RANBP2: variants seen among roughly 807,000 people sequenced by gnomAD.
The protein encoded by RANBP2 is E3 SUMO-protein ligase RanBP2.
RANBP2 carries 57 observed loss-of-function variants against 303.6 expected under a neutral mutation model. That is an observed-to-expected ratio of 0.19 (90% CI 0.15 to 0.23). The LOEUF is 0.23. Ranked by LOEUF, RANBP2 falls within the 10% of genes least tolerant of loss-of-function variation. The pLI is 1.00. For missense variants in RANBP2, 3,138 were observed against 3,780.8 expected, an observed-to-expected ratio of 0.83 and a Z score of 4.46; for synonymous variants, 1,167 against 1,301.5, an observed-to-expected ratio of 0.90 and a Z score of 2.23.
At chr2:109,413,943 C>T in the RANBP2 span, among the ~76,000 whole-genome samples, 1 of 152,248 alleles carries the variant, frequency 6.6e-6, no homozygotes, top group Non-Finnish European at 1.5e-5. Context: ...CCCCAGGAAG[C>T]GCCTGTGCAT....
At chr2:109,381,797 T>C in the RANBP2 span, among the ~76,000 whole-genome samples, 1 of 152,154 alleles carries the variant, frequency 6.6e-6, no homozygotes, top group East Asian at 1.9e-4. Context: ...TTGGATTTTA[T>C]GGCTCGCAGG....
chr2:108,753,021 T>C lies in RANBP2; in HGVS notation c.1779T>C (p.Tyr593=). ...QKTGSGLNSF[Y]DQREYIGRSV... is the part of the protein sequence containing the mutation. ...AGGGCAGCGGTCTTAATTCTTTTTA[T>C]GATCAACGAGAATACATAGGGAGAA... The change falls in exon 13 of 29, where the codon TAT becomes TAC. Residue 593 remains tyrosine (Y), a synonymous_variant. Transcript: ENST00000283195. 6.2e-7 allele frequency: 1 copy of C among 1,609,262 alleles called. No homozygotes were observed. The highest frequency in any genetic ancestry group is 1.3e-5 in the African/African-American group (1 of 74,660).
chr2:109,471,235 A>G, the RANBP2 span, among the ~76,000 whole-genome samples: 1 of 151,296 alleles, frequency 6.6e-6, no homozygotes, highest in Non-Finnish European at 1.5e-5. Context: ...AAAAAAAGAA[A>G]TTAATACCTG....
At chr2:109,035,209 A>G in the RANBP2 span, among the ~76,000 whole-genome samples, 1 of 152,212 alleles carries the variant, frequency 6.6e-6, no homozygotes, top group Non-Finnish European at 1.5e-5. Context: ...CTCAAGTGTG[A>G]TGGCCATCTT....
At chr2:109,388,252 T>C in the RANBP2 span, among the ~76,000 whole-genome samples, 2 of 152,242 alleles carry the variant, frequency 1.3e-5, no homozygotes, top group Non-Finnish European at 2.9e-5. Flanking sequence ...CAGCCAAGCC[T>C]TTCTCTAGTA....
chr2:109,312,284 T>C, the RANBP2 span, among the ~76,000 whole-genome samples: 2 of 152,170 alleles, frequency 1.3e-5, no homozygotes, highest in Non-Finnish European at 2.9e-5. Context: ...CCACTTTTCT[T>C]GTGAATGAGC....
At chr2:109,688,984 G>A in the RANBP2 span, among the ~76,000 whole-genome samples, 1 of 149,348 alleles carries the variant, frequency 6.7e-6, no homozygotes, top group South Asian at 2.2e-4. Flanking sequence ...TCGGCTCACT[G>A]CAACCTCTGC....
the RANBP2 span, among the ~76,000 whole-genome samples, chr2:109,212,706 T>A: frequency 6.6e-6 from 1 of 152,192 alleles, no homozygotes; most frequent in African/African-American, 2.4e-5. Flanking sequence ...CAGAACTAAT[T>A]GTTGTATAAT....
the RANBP2 span, among the ~76,000 whole-genome samples, chr2:109,388,106 C>A: frequency 6.6e-6 from 1 of 152,216 alleles, no homozygotes; most frequent in Non-Finnish European, 1.5e-5. Context: ...CACACATTCA[C>A]CATCCTACGC....
At chr2:109,590,799 T>C in the RANBP2 span, among the ~76,000 whole-genome samples, 2 of 152,140 alleles carry the variant, frequency 1.3e-5, no homozygotes, top group South Asian at 4.1e-4. Flanking sequence ...GAACTCCACC[T>C]GCCAGTTCTC....
the RANBP2 span, among the ~76,000 whole-genome samples, chr2:109,402,603 C>T: frequency 6.6e-6 from 1 of 152,254 alleles, no homozygotes; most frequent in Admixed American, 6.5e-5. Context: ...AGTCCCCTGC[C>T]TCTCACAGTC....
the RANBP2 span, among the ~76,000 whole-genome samples, chr2:109,566,114 T>A: frequency 2.6e-5 from 4 of 151,716 alleles, no homozygotes; most frequent in Admixed American, 1.3e-4. Context: ...ACAAAAAAAA[T>A]TTATTTATTT....
the RANBP2 span, among the ~76,000 whole-genome samples, chr2:109,554,635 C>T: frequency 6.6e-6 from 1 of 152,200 alleles, no homozygotes; most frequent in African/African-American, 2.4e-5. Context: ...GCCAACTCCA[C>T]ACAGACAGTG....
At chr2:109,169,777 C>T in the RANBP2 span, among the ~76,000 whole-genome samples, 2 of 151,462 alleles carry the variant, frequency 1.3e-5, no homozygotes, top group African/African-American at 4.9e-5. Context: ...CACACATGAC[C>T]CCCCAAAATC....
chr2:109,595,514 G>C, the RANBP2 span, among the ~76,000 whole-genome samples: 2 of 152,138 alleles, frequency 1.3e-5, no homozygotes, highest in Non-Finnish European at 2.9e-5. Context: ...AACAAAGTGA[G>C]AGCCCCTGGA....
At chr2:109,567,750 T>C in the RANBP2 span, 1 of 1,439,552 alleles carries the variant, frequency 6.9e-7, no homozygotes, top group Non-Finnish European at 9.3e-7. Flanking sequence ...AGCAGCAATA[T>C]TACTCACAAA....
At chr2:109,284,019 C>T in the RANBP2 span, among the ~76,000 whole-genome samples, 2 of 152,226 alleles carry the variant, frequency 1.3e-5, no homozygotes, top group African/African-American at 4.8e-5. Flanking sequence ...GTAGGAAAGC[C>T]GAGGGGAGGG....
chr2:108,750,124 C>T (rs545379265), intron 9 of RANBP2, among the ~76,000 whole-genome samples: 2 of 152,308 alleles, frequency 1.3e-5, no homozygotes, highest in East Asian at 1.9e-4. Flanking sequence ...ACAGCCTGGG[C>T]GACAGAGCGA....
At chr2:109,385,994 T>C in the RANBP2 span, among the ~76,000 whole-genome samples, 5 of 152,238 alleles carry the variant, frequency 3.3e-5, no homozygotes, top group African/African-American at 1.2e-4. Flanking sequence ...GGGGTTTTAG[T>C]TGTAGCAATT....
Sources: gnomAD v4.1 joint callset for allele counts (sites outside exome capture counted in the v4.1 genomes callset) on GRCh38, gnomAD v4.1.1 for gene constraint, MANE v1.5 for transcripts, NCBI Gene and HGNC (gene_info 2026-07-23, HGNC 2026-07-21) for gene names.